Variants in STK32A observed in about 807,000 individuals in gnomAD.
STK32A encodes serine/threonine-protein kinase 32A.
Under a neutral mutation model 53.2 loss-of-function variants are expected in STK32A, and 41 were observed. That is an observed-to-expected ratio of 0.77 (90% confidence interval 0.60 to 1.00). The LOEUF is 1.00. Ranked by LOEUF, STK32A falls within the 50% of genes least tolerant of loss-of-function variation. STK32A has a pLI of 0.00. For missense variants in STK32A, 458 were observed against 485.8 expected, an observed-to-expected ratio of 0.94 and a Z score of 0.54; for synonymous variants, 166 against 162.8, an observed-to-expected ratio of 1.02 and a Z score of -0.15.
At position 147,353,964 on chromosome 5, in the gene STK32A, C is replaced by T. The variant is rs534105846; in HGVS notation, c.562+2810C>T. Among the ~76,000 whole-genome samples the T allele has an allele frequency of 9.3e-5, 14 of 150,998 alleles. No individual in the cohort carries two copies. In the South Asian group the frequency reaches 2.9e-3, roughly 32 times the overall value. On this transcript the variant is annotated intron_variant, in intron 7 of 12. Coordinates refer to ENST00000397936, the MANE Select transcript of STK32A (RefSeq NM_001112724.2). ...CTTGAAATCAAGGACAAGAGCAATG[C>T]CATTTTCTTTTAATATTTCATTCTC...
chr5:147,372,502 C>A (rs995156960), intron 9 of STK32A, among the ~76,000 whole-genome samples: 13 of 151,846 alleles, frequency 8.6e-5, no homozygotes, highest in Admixed American at 8.5e-4. Context: ...TGCTTCACTC[C>A]ACAAATTACA....
intron 4 of STK32A, among the ~76,000 whole-genome samples, chr5:147,305,438 C>T (rs1753358354): frequency 6.6e-6 from 1 of 152,096 alleles, no homozygotes; most frequent in Non-Finnish European, 1.5e-5. Context: ...GCGCGGGCTT[C>T]ATCCAGGACC....
Position 147,384,663 on chromosome 5 carries a change from G to T in STK32A, c.*680G>T. 1 of 436,790 alleles carries T rather than the reference G, an allele frequency of 2.3e-6. No homozygotes were observed. The highest frequency in any genetic ancestry group is 4.0e-6 in the Non-Finnish European group (1 of 247,648). 27.1% of individuals were successfully genotyped at this position (436,790 alleles called of 1,614,324 possible). On this transcript the variant is annotated 3_prime_UTR_variant, in exon 13 of 13. Coordinates refer to ENST00000397936, the MANE Select transcript of STK32A (RefSeq NM_001112724.2). Reference sequence around the variant, plus strand: ...TGGTAACTTGAAATTGGTAATAATGGGAGCATTTACACCACGGAAACTGGT... The same window carrying T: ...TGGTAACTTGAAATTGGTAATAATGTGAGCATTTACACCACGGAAACTGGT...
intron 2 of STK32A, among the ~76,000 whole-genome samples, chr5:147,258,107 A>G (rs1754315441): frequency 6.7e-6 from 1 of 148,352 alleles, no homozygotes; most frequent in African/African-American, 2.5e-5. Context: ...ATATTTATCC[A>G]ATTTTTAATG....
At chr5:147,285,691 C>T (rs1489581883) in intron 4 of STK32A, among the ~76,000 whole-genome samples, 1 of 152,060 alleles carries the variant, frequency 6.6e-6, no homozygotes, top group Non-Finnish European at 1.5e-5. Context: ...TGAAAAAATG[C>T]TCAACATCAC....
At chr5:147,310,472 G>A (rs1274337829) in intron 4 of STK32A, among the ~76,000 whole-genome samples, 1 of 152,112 alleles carries the variant, frequency 6.6e-6, no homozygotes, top group African/African-American at 2.4e-5. Context: ...TCTCCGCTCT[G>A]GAGAAGAGCC....
intron 11 of STK32A, among the ~76,000 whole-genome samples, chr5:147,380,015 A>G (rs768473575): frequency 5.9e-5 from 9 of 152,192 alleles, no homozygotes; most frequent in Non-Finnish European, 8.8e-5. Flanking sequence ...CAAGTTGAAC[A>G]TGAACCCTTT....
In STK32A at chr5:147,239,641, G is replaced by A. The variant is rs190535913; in HGVS notation, c.7G>A (p.Ala3Thr). MGANTSRKPPVFD... is the reference protein window; with the variant it reads MGTNTSRKPPVFD... ...GGTCTGGGCAGATTCAACCATGGGA[G>A]CGAACACTTCAAGAAAACCACCAGT... The change falls in exon 2 of 13, where the codon GCG (alanine) becomes ACG (threonine). Residue 3 changes from alanine to threonine, a missense_variant. Coordinates refer to ENST00000397936, the MANE Select transcript of STK32A (RefSeq NM_001112724.2). The A allele has an allele frequency of 1.7e-4, 268 of 1,608,100 alleles. No individual in the cohort carries two copies. The highest frequency in any genetic ancestry group is 4.0e-4 in the Admixed American group (24 of 59,384).
intron 6 of STK32A, among the ~76,000 whole-genome samples, chr5:147,344,731 G>A (rs1755602204): frequency 6.6e-6 from 1 of 152,210 alleles, no homozygotes. Flanking sequence ...GCCCACCAAG[G>A]AGAACCCAAG....
chr5:147,307,300 C>T (rs896717500), intron 4 of STK32A, among the ~76,000 whole-genome samples: 3 of 151,512 alleles, frequency 2.0e-5, no homozygotes, highest in Non-Finnish European at 4.4e-5. Flanking sequence ...TTTCTTTATG[C>T]GTAGTGATTT....
chr5:147,395,691 T>C, the STK32A span: 2 of 1,614,076 alleles, frequency 1.2e-6, no homozygotes, highest in Non-Finnish European at 1.7e-6. Context: ...CCATCGTACA[T>C]GCCCCTTGGG....
intron 4 of STK32A, among the ~76,000 whole-genome samples, chr5:147,313,102 G>A (rs955371528): frequency 7.1e-6 from 1 of 140,088 alleles, no homozygotes; most frequent in South Asian, 2.3e-4. Context: ...AGTCATGGTG[G>A]TACATGCCTG....
intron 2 of STK32A, among the ~76,000 whole-genome samples, chr5:147,248,926 T>A (rs200936736): frequency 3.8e-5 from 4 of 106,204 alleles, no homozygotes; most frequent in South Asian, 2.4e-4. Context: ...ATGAAGTAAT[T>A]TTTTTTTATT....
rs1392502598 is a variant in STK32A at position 147,239,520 on chromosome 5, A to G, written c.-96-19A>G. On this transcript the variant is annotated intron_variant, in intron 1 of 12. Transcript: ENST00000397936. ...GAGTATAGCATATTATTAGGGTACT[A>G]TTTCTTTTCCTATCCTAGATATCCA... 48 of 761,200 alleles carry G rather than the reference A, an allele frequency of 6.3e-5. No individual in the cohort carries two copies. The highest frequency in any genetic ancestry group is 9.4e-5 in the Non-Finnish European group (44 of 465,644). The allele number at this position is 761,200 out of a possible 1,614,324, so 47.2% of individuals were successfully genotyped here.
At chr5:147,327,847 G>T (rs952911663) in intron 5 of STK32A, among the ~76,000 whole-genome samples, 1 of 152,250 alleles carries the variant, frequency 6.6e-6, no homozygotes, top group African/African-American at 2.4e-5. Flanking sequence ...CTGCAGCTCT[G>T]AGGGGAGCAC....
chr5:147,254,035 C>T (rs538052422), intron 2 of STK32A, among the ~76,000 whole-genome samples: 57 of 152,230 alleles, frequency 3.7e-4, no homozygotes, highest in African/African-American at 1.3e-3. Flanking sequence ...TTAAAAACTA[C>T]TCTCTTTCCC....
chr5:147,339,520 A>C (rs1356450565), intron 5 of STK32A, among the ~76,000 whole-genome samples: 1 of 152,248 alleles, frequency 6.6e-6, no homozygotes, highest in Non-Finnish European at 1.5e-5. Flanking sequence ...AGCTGTGAGA[A>C]GAAGGTCACC....
intron 2 of STK32A, among the ~76,000 whole-genome samples, chr5:147,259,078 A>G (rs918570190): frequency 1.3e-5 from 2 of 152,200 alleles, no homozygotes; most frequent in South Asian, 4.1e-4. Flanking sequence ...TTTTCCCTCA[A>G]TCACCCGGGA....
At chr5:147,390,985 T>C (rs1167197729), downstream of STK32A, 1 of 152,672 alleles carries the variant, frequency 6.5e-6, no homozygotes. Context: ...TTACTGTCTG[T>C]CCATACCCAC....
Sources: gnomAD v4.1 joint callset for allele counts (sites outside exome capture counted in the v4.1 genomes callset) on GRCh38, gnomAD v4.1.1 for gene constraint, MANE v1.5 for transcripts, NCBI Gene and HGNC (gene_info 2026-07-23, HGNC 2026-07-21) for gene names.